Variants in XDH observed in about 807,000 individuals in gnomAD.
The protein encoded by XDH is xanthine dehydrogenase, also known as xanthine dehydrogenase/oxidase.
A neutral mutation model predicts 156.1 loss-of-function variants in XDH; 138 were observed. That is an observed-to-expected ratio of 0.88 (90% CI 0.77 to 1.02). XDH has a LOEUF of 1.02. XDH is among the 50% of genes least tolerant of loss of function. The pLI, the probability that XDH is intolerant of heterozygous loss-of-function variation, is 0.00. For synonymous variants in XDH, 669 were observed against 625.7 expected, an observed-to-expected ratio of 1.07 and a Z score of -1.03; for missense variants, 1,849 against 1,684.9, an observed-to-expected ratio of 1.10 and a Z score of -1.71.
Position 31,366,107 on chromosome 2 carries a change from G to A in XDH, c.2325C>T (p.Ser775=). 6.2e-7 allele frequency: 1 copy of A among 1,614,204 alleles called. No homozygotes were observed. Among genetic ancestry groups the A allele is most frequent in the Non-Finnish European group, 8.5e-7 (1 of 1,180,034 alleles). ...GAACCCCCAACATTTTTGCAACAAA[G>A]CTCTGTGAGTGAAAGACAGAACATT... is the stretch of plus-strand genomic sequence containing the variant. ...VSTQNTMKTQ[S]FVAKMLGVPA... Residue 775 remains serine, a splice_region_variant and synonymous_variant, in exon 22 of 36, where the codon AGC becomes AGT. Transcript: ENST00000379416.
intron 6 of XDH, among the ~76,000 whole-genome samples, chr2:31,391,943 C>T (rs1426395794): frequency 6.6e-6 from 1 of 152,116 alleles, no homozygotes; most frequent in Admixed American, 6.5e-5. Flanking sequence ...GGGCCTGGTG[C>T]TTTCTGTGTT....
chr2:31,394,729 T>C (rs1455274248), intron 6 of XDH, among the ~76,000 whole-genome samples: 1 of 152,222 alleles, frequency 6.6e-6, no homozygotes, highest in Non-Finnish European at 1.5e-5. Context: ...TTTGTTTTCA[T>C]TCACTTCCTT....
chr2:31,346,493 C>T (rs1685297282), intron 30 of XDH, among the ~76,000 whole-genome samples: 1 of 152,104 alleles, frequency 6.6e-6, no homozygotes, highest in Non-Finnish European at 1.5e-5. Flanking sequence ...TCCTCTCAGG[C>T]TCAGGCAAAG....
At chr2:31,338,194 C>T (rs988358411) in intron 34 of XDH, among the ~76,000 whole-genome samples, 4 of 152,148 alleles carry the variant, frequency 2.6e-5, no homozygotes, top group African/African-American at 2.4e-5. Flanking sequence ...AAGAGTCTAC[C>T]TGCAACTCTG....
At chr2:31,411,535 A>C (rs1470178853) in intron 1 of XDH, among the ~76,000 whole-genome samples, 1 of 152,200 alleles carries the variant, frequency 6.6e-6, no homozygotes, top group Non-Finnish European at 1.5e-5. Context: ...GGTAAAGTAC[A>C]TAAAGGGTAT....
rs183762207 is a variant in XDH, at chr2:31,393,676, G to A, written c.495+3992C>T. Among the ~76,000 whole-genome samples, 64 of 151,760 alleles carry A rather than the reference G, an allele frequency of 4.2e-4. No homozygotes were observed. In the South Asian group the frequency reaches 6.5e-3, roughly 15 times the overall value. Reference sequence around the variant, plus strand: ...TATTTGTTATTGTTTTCTATTTGTCGTCCTTATTCTTTGTTTCTAGTTTTG... The same window carrying A: ...TATTTGTTATTGTTTTCTATTTGTCATCCTTATTCTTTGTTTCTAGTTTTG... On this transcript the variant is annotated intron_variant, in intron 6 of 35. Transcript: ENST00000379416.
Position 31,339,561 on chromosome 2 carries a change from G to A in XDH, c.3702C>T (p.Gly1234=), listed in dbSNP as rs1305833525. Reference sequence around the variant, plus strand: ...ACACCCTGAACTCAATGGGGATGCTGCCAAATGCCGGGATCTTGTAGGTGC... The same window carrying A: ...ACACCCTGAACTCAATGGGGATGCTACCAAATGCCGGGATCTTGTAGGTGC... ...GPSTYKIPAF[G]SIPIEFRVSL... Residue 1234 remains glycine (G), a synonymous_variant, in exon 34 of 36, where the codon GGC becomes GGT. Coordinates refer to ENST00000379416, the MANE Select transcript of XDH (RefSeq NM_000379.4). 6.2e-7 allele frequency: 1 copy of A among 1,614,102 alleles called. No homozygotes were observed. Among genetic ancestry groups the A allele is most frequent in the Non-Finnish European group, 8.5e-7 (1 of 1,180,054 alleles).
At chr2:31,408,566 A>G (rs1687255283) in intron 1 of XDH, among the ~76,000 whole-genome samples, 1 of 152,242 alleles carries the variant, frequency 6.6e-6, no homozygotes, top group African/African-American at 2.4e-5. Flanking sequence ...TATGAGTCCA[A>G]ATAGAGTCAA....
intron 1 of XDH, among the ~76,000 whole-genome samples, chr2:31,412,251 A>C (rs1687360724): frequency 6.6e-6 from 1 of 152,240 alleles, no homozygotes; most frequent in African/African-American, 2.4e-5. Flanking sequence ...AATAGTCATC[A>C]AGGCTCATCA....
At chr2:31,386,980 G>A (rs1450205554) in intron 8 of XDH, among the ~76,000 whole-genome samples, 1 of 92,056 alleles carries the variant, frequency 1.1e-5, no homozygotes, top group South Asian at 6.2e-4. Flanking sequence ...GGGAGGGAGG[G>A]AGGGAAGAAA....
chr2:31,371,354 G>A (rs1385543738), intron 17 of XDH, among the ~76,000 whole-genome samples: 1 of 152,216 alleles, frequency 6.6e-6, no homozygotes, highest in African/African-American at 2.4e-5. Flanking sequence ...CAGACTCAAG[G>A]AAGTTAGGTA....
chr2:31,350,037 C>T lies in XDH; in HGVS notation c.2818G>A (p.Glu940Lys), dbSNP rs761942456. 2 of 1,614,076 alleles carry T rather than the reference C, an allele frequency of 1.2e-6. No homozygotes were observed. Among genetic ancestry groups the T allele is most frequent in the Admixed American group, 3.3e-5 (2 of 60,030 alleles). The change falls in exon 25 of 36, where the codon GAG becomes AAG. Residue 940 changes from glutamate to lysine, a missense_variant. Coordinates refer to ENST00000379416, the MANE Select transcript of XDH (RefSeq NM_000379.4). The part of the protein sequence containing the change: ...EVAVTCGMPA[E>K]EVRRKNLYKE... Reference sequence around the variant, plus strand: ...CTACCAAATTCTCAGCTTACCTCCTCTGCAGGCATCCCACAGGTCACTGCA... The same window carrying T: ...CTACCAAATTCTCAGCTTACCTCCTTTGCAGGCATCCCACAGGTCACTGCA...
chr2:31,382,357 G>A (rs1197008226), intron 11 of XDH, among the ~76,000 whole-genome samples: 9 of 152,030 alleles, frequency 5.9e-5, no homozygotes, highest in Non-Finnish European at 1.3e-4. Flanking sequence ...GTGGGGGCTG[G>A]GAGGAATAGG....
intron 17 of XDH, among the ~76,000 whole-genome samples, chr2:31,371,330 T>C (rs1328679148): frequency 6.6e-6 from 1 of 152,244 alleles, no homozygotes; most frequent in African/African-American, 2.4e-5. Context: ...TCCCATTTTA[T>C]GTTTGGGGAA....
In XDH at chr2:31,335,816, TC is replaced by T. The variant is rs1684956750; in HGVS notation, c.*141del. 7.3e-6 allele frequency: 7 copies of T among 952,602 alleles called. No individual in the cohort carries two copies. Among genetic ancestry groups the T allele is most frequent in the Non-Finnish European group, 1.2e-5 (7 of 596,044 alleles). The allele number at this position is 952,602 out of a possible 1,614,324, so 59.0% of individuals were successfully genotyped here. ...TTTTGATCAAAATCTTCCATTGCATTCACTTGTCTTCCAAATCCCATCTTGA... is the reference window on the plus strand; with the variant it reads ...TTTTGATCAAAATCTTCCATTGCATTACTTGTCTTCCAAATCCCATCTTGA... On this transcript the variant is annotated 3_prime_UTR_variant, in exon 36 of 36. Transcript: ENST00000379416.
chr2:31,397,990 C>T (rs1230818876), intron 5 of XDH, among the ~76,000 whole-genome samples: 1 of 152,212 alleles, frequency 6.6e-6, no homozygotes, highest in African/African-American at 2.4e-5. Context: ...CCCACAGTGG[C>T]TGATCACAGC....
intron 1 of XDH, among the ~76,000 whole-genome samples, chr2:31,406,393 A>ACAGCTTGT (rs1687192320): frequency 6.6e-6 from 1 of 152,196 alleles, no homozygotes; most frequent in Non-Finnish European, 1.5e-5. Flanking sequence ...CAGCCTGCAG[A>ACAGCTTGT]ACTGTGAGCC....
Position 31,339,485 on chromosome 2 carries a change from G to C in XDH, c.3774+4C>G, listed in dbSNP as rs1285127042. On this transcript the variant is annotated splice_donor_region_variant and intron_variant, in intron 34 of 35. Transcript: ENST00000379416. ...GAGACAGCACAGAGCCAGAGCAATG[G>C]TACCTTCGATGCATAGATGGCCTTC... 3.1e-6 allele frequency: 5 copies of C among 1,613,822 alleles called. No individual in the cohort carries two copies. Among genetic ancestry groups the C allele is most frequent in the Non-Finnish European group, 4.2e-6 (5 of 1,180,044 alleles).
rs200627502 is a variant in XDH at position 31,387,911 on chromosome 2, G to A, written c.565-14C>T. On this transcript the variant is annotated splice_polypyrimidine_tract_variant and intron_variant, in intron 7 of 35. Coordinates refer to ENST00000379416, the MANE Select transcript of XDH (RefSeq NM_000379.4). ...CGAGAGGCTGACCTATGGGGAAAGA[G>A]AACAGGTAGGTGATGCAGTATCTCC... The A allele has an allele frequency of 2.6e-6, 4 of 1,567,846 alleles. No homozygotes were observed. The highest frequency in any genetic ancestry group is 2.3e-5 in the East Asian group (1 of 43,380).
Sources: gnomAD v4.1 joint callset for allele counts (sites outside exome capture counted in the v4.1 genomes callset) on GRCh38, gnomAD v4.1.1 for gene constraint, MANE v1.5 for transcripts, NCBI Gene and HGNC (gene_info 2026-07-23, HGNC 2026-07-21) for gene names.